LOXHD1: variants seen among roughly 807,000 people sequenced by gnomAD.
LOXHD1 encodes the protein lipoxygenase homology domain-containing protein 1.
Under a neutral mutation model 248.2 loss-of-function variants are expected in LOXHD1, and 205 were observed. The observed-to-expected ratio is 0.83, with a 90% CI of 0.74 to 0.93. The LOEUF is 0.93. Ranked by LOEUF, LOXHD1 falls within the 40% of genes least tolerant of loss-of-function variation. LOXHD1 has a pLI of 0.00. For synonymous variants in LOXHD1, 1,113 were observed against 1,162.8 expected, an observed-to-expected ratio of 0.96 and a Z score of 0.87; for missense variants, 2,930 against 2,971.6, an observed-to-expected ratio of 0.99 and a Z score of 0.33.
At chr18:46,643,534 G>T (rs1425854589) in intron 2 of LOXHD1, among the ~76,000 whole-genome samples, 2 of 152,236 alleles carry the variant, frequency 1.3e-5, no homozygotes, top group African/African-American at 4.8e-5. Context: ...TAGCAATCGT[G>T]AGGGTCTGCC....
At chr18:46,518,529 G>A (rs2035392339) in intron 33 of LOXHD1, among the ~76,000 whole-genome samples, 1 of 152,252 alleles carries the variant, frequency 6.6e-6, no homozygotes, top group South Asian at 2.1e-4. Flanking sequence ...AACTGACGCT[G>A]TCAGTTGAAT....
chr18:46,533,318 C>T lies in LOXHD1; in HGVS notation c.4219G>A (p.Glu1407Lys). The T allele has an allele frequency of 6.4e-7, 1 of 1,551,816 alleles. No homozygotes were observed. Among genetic ancestry groups the T allele is most frequent in the Non-Finnish European group, 8.7e-7 (1 of 1,147,008 alleles). ...RRLLPDKDGA[E>K]TLTFPCDRWL... Reference sequence around the variant, plus strand: ...CGATCGCATGGGAAAGTCAAGGTCTCTGCACCCTGGGGTGAGGCAGAAAAA... The same window carrying T: ...CGATCGCATGGGAAAGTCAAGGTCTTTGCACCCTGGGGTGAGGCAGAAAAA... The change falls in exon 28 of 41, where the codon GAG becomes AAG. Residue 1407 changes from glutamate (E) to lysine (K), a missense_variant. Physicochemically the swap from Glu to Lys is moderately conservative, Grantham distance 56 (BLOSUM62 1). Transcript: ENST00000642948.
Position 46,509,724 on chromosome 18 carries a change from T to A in LOXHD1, c.5491A>T (p.Ser1831Cys), listed in dbSNP as rs377584291. Residue 1831 changes from serine to cysteine, a missense_variant, in exon 35 of 41, where the codon AGT becomes TGT. Coordinates refer to ENST00000642948, the MANE Select transcript of LOXHD1 (RefSeq NM_001384474.1). The stretch of plus-strand genomic sequence containing the variant: ...CTCTCCAGGAACCACTCCGGCCGAC[T>A]GCCCAGGCCATCAATCCGGATCCGC... The part of the protein sequence containing the change: ...KMRIRIDGLG[S>C]RPEWFLERIL... 4.3e-5 allele frequency: 66 copies of A among 1,551,490 alleles called. No homozygotes were observed. The highest frequency in any genetic ancestry group is 5.7e-5 in the Non-Finnish European group (65 of 1,146,960).
chr18:46,557,232 A>C, intron 21 of LOXHD1, 124 bp downstream of exon 21: 29 of 797,808 alleles, frequency 3.6e-5, no homozygotes, highest in Non-Finnish European at 4.4e-5. Context: ...GGTGTCACCC[A>C]GCCCACCCTC....
At chr18:46,529,135 G>A in intron 29 of LOXHD1, 42 bp downstream of exon 29, 1 of 1,550,336 alleles carries the variant, frequency 6.5e-7, no homozygotes, top group Non-Finnish European at 8.7e-7. Context: ...CGCTGGGCCT[G>A]GAGAGGAGGG....
rs1435981616 is a variant in LOXHD1 at position 46,521,219 on chromosome 18, G to T, written c.5149C>A (p.Pro1717Thr). The T allele has an allele frequency of 1.9e-6, 3 of 1,551,602 alleles. No individual in the cohort carries two copies. ...WLVEELCLAV[P>T]TQGTKYMLNC... The stretch of plus-strand genomic sequence containing the variant: ...AACATGTACTTGGTGCCCTGGGTGG[G>T]CACTGCCAAACACAACTCTTCCACC... The change falls in exon 33 of 41, where the codon CCC (proline) becomes ACC (threonine). Residue 1717 changes from proline to threonine, a missense_variant. Coordinates refer to ENST00000642948, the MANE Select transcript of LOXHD1 (RefSeq NM_001384474.1).
At chr18:46,615,521 G>A (rs990893652) in intron 5 of LOXHD1, among the ~76,000 whole-genome samples, 1 of 152,052 alleles carries the variant, frequency 6.6e-6, no homozygotes, top group Admixed American at 6.5e-5. Context: ...TTTTTAAATG[G>A]GGTGAGATGT....
At chr18:46,581,140 A>G (rs746084075) in intron 12 of LOXHD1, among the ~76,000 whole-genome samples, 3 of 152,240 alleles carry the variant, frequency 2.0e-5, no homozygotes, top group Non-Finnish European at 2.9e-5. Flanking sequence ...AGAAAGAAGG[A>G]GTAGAATCAA....
rs894704836 is a variant in LOXHD1 at position 46,524,448 on chromosome 18, G to C, written c.4876+18C>G. Reference sequence around the variant, plus strand: ...CATGTGCCTGGCCCCCGTCCAAAGAGCTCCCTGGTTGGCTTACTTGGGCCC... The same window carrying C: ...CATGTGCCTGGCCCCCGTCCAAAGACCTCCCTGGTTGGCTTACTTGGGCCC... On this transcript the variant is annotated intron_variant, in intron 31 of 40. Coordinates refer to ENST00000642948, the MANE Select transcript of LOXHD1 (RefSeq NM_001384474.1). 1 of 1,544,274 alleles carries C rather than the reference G, an allele frequency of 6.5e-7. No individual in the cohort carries two copies. Among genetic ancestry groups the C allele is most frequent in the Non-Finnish European group, 8.8e-7 (1 of 1,140,748 alleles).
intron 8 of LOXHD1, among the ~76,000 whole-genome samples, chr18:46,597,759 CTTT>C (rs551184983): frequency 7.1e-6 from 1 of 141,564 alleles, no homozygotes. Context: ...TAGAAAAATT[CTTT>C]TTTTTTTTTT....
intron 18 of LOXHD1, among the ~76,000 whole-genome samples, chr18:46,561,384 C>T (rs747013289): frequency 6.6e-6 from 1 of 152,172 alleles, no homozygotes; most frequent in Admixed American, 6.5e-5. Flanking sequence ...GATCATGAGA[C>T]CTGAGCTCTG....
chr18:46,503,183 C>A (rs2034343319), intron 37 of LOXHD1, among the ~76,000 whole-genome samples: 1 of 152,124 alleles, frequency 6.6e-6, no homozygotes, highest in Non-Finnish European at 1.5e-5. Context: ...GAGTTGGAAG[C>A]CCACAGACAT....
In LOXHD1 at chr18:46,657,058, C is replaced by T; in HGVS notation, c.-25G>A. ...TTCTGTCGGCTGCCTTCTCCCAGCG[C>T]TCGCAGGCTCACTGTGCCGCCTCCT... On this transcript the variant is annotated 5_prime_UTR_variant, in exon 1 of 41. Coordinates refer to ENST00000642948, the MANE Select transcript of LOXHD1 (RefSeq NM_001384474.1). 1 of 1,551,542 alleles carries T rather than the reference C, an allele frequency of 6.4e-7. No individual in the cohort carries two copies.
At chr18:46,593,891 C>T in intron 9 of LOXHD1, 131 bp from the exon 10 acceptor site, 2 of 911,820 alleles carry the variant, frequency 2.2e-6, no homozygotes, top group South Asian at 1.8e-5. Context: ...GTCCCACTCT[C>T]AGAAACCCAT....
chr18:46,596,015 G>A (rs912735222), intron 8 of LOXHD1, among the ~76,000 whole-genome samples: 3 of 152,114 alleles, frequency 2.0e-5, no homozygotes, highest in Admixed American at 1.3e-4. Context: ...GTTCTAGAAG[G>A]TTAAAGGTTA....
At chr18:46,584,246 G>A (rs2038018886) in intron 12 of LOXHD1, among the ~76,000 whole-genome samples, 1 of 152,084 alleles carries the variant, frequency 6.6e-6, no homozygotes, top group South Asian at 2.1e-4. Context: ...GGGAGGAGAG[G>A]ATGGGGAGAA....
At chr18:46,586,526 A>G (rs1449940920) in intron 12 of LOXHD1, among the ~76,000 whole-genome samples, 1 of 152,172 alleles carries the variant, frequency 6.6e-6, no homozygotes, top group Non-Finnish European at 1.5e-5. Context: ...GCTCACTGCA[A>G]TCTCCGCCTC....
At chr18:46,478,234 A>AT (rs970732691) in intron 40 of LOXHD1, among the ~76,000 whole-genome samples, 15 of 148,162 alleles carry the variant, frequency 1.0e-4, no homozygotes, top group African/African-American at 1.2e-4. Context: ...TGTTGACTTT[A>AT]TTTTTTTTTT....
intron 12 of LOXHD1, among the ~76,000 whole-genome samples, chr18:46,587,744 G>C (rs997495187): frequency 6.6e-6 from 1 of 152,180 alleles, no homozygotes; most frequent in Non-Finnish European, 1.5e-5. Flanking sequence ...TCAGTGGTGT[G>C]TAATCACTTC....
Sources: gnomAD v4.1 joint callset for allele counts (sites outside exome capture counted in the v4.1 genomes callset) on GRCh38, gnomAD v4.1.1 for gene constraint, MANE v1.5 for transcripts, NCBI Gene and HGNC (gene_info 2026-07-23, HGNC 2026-07-21) for gene names.